SLC8A3: variants seen among roughly 807,000 people sequenced by gnomAD.
SLC8A3 encodes the protein sodium/calcium exchanger 3.
Under a neutral mutation model 65.4 loss-of-function variants are expected in SLC8A3, and 37 were observed. The observed-to-expected ratio is 0.57, with a 90% CI of 0.44 to 0.74. SLC8A3 has a LOEUF of 0.74. SLC8A3 is among the 30% of genes least tolerant of loss of function. SLC8A3 has a pLI of 0.00. For missense variants in SLC8A3, 1,112 were observed against 1,172.1 expected, an observed-to-expected ratio of 0.95 and a Z score of 0.75; for synonymous variants, 461 against 444.5, an observed-to-expected ratio of 1.04 and a Z score of -0.47.
chr14:70,051,195 C>T (rs1887469260), intron 4 of SLC8A3, 88 bp from the exon 5 acceptor site: 1 of 881,388 alleles, frequency 1.1e-6, no homozygotes, highest in African/African-American at 1.6e-5. Flanking sequence ...TGAAAGATGC[C>T]CTGTCTCCAA....
intron 2 of SLC8A3, among the ~76,000 whole-genome samples, chr14:70,119,424 A>C (rs938034337): frequency 1.3e-5 from 2 of 152,174 alleles, no homozygotes; most frequent in African/African-American, 4.8e-5. Flanking sequence ...GTCAAGCATC[A>C]CTGGGGACCC....
intron 1 of SLC8A3, among the ~76,000 whole-genome samples, chr14:70,182,021 G>C (rs1882793287): frequency 6.6e-6 from 1 of 152,182 alleles, no homozygotes; most frequent in African/African-American, 2.4e-5. Flanking sequence ...TTTTATACAA[G>C]AGGTGATAAA....
intron 2 of SLC8A3, among the ~76,000 whole-genome samples, chr14:70,128,847 C>T (rs114064154): frequency 4.5e-4 from 69 of 152,272 alleles, no homozygotes; most frequent in African/African-American, 1.6e-3. Flanking sequence ...CCTTCCCTAC[C>T]AATTTAAAAG....
intron 2 of SLC8A3, among the ~76,000 whole-genome samples, chr14:70,099,087 C>CCTG (rs1892386965): frequency 6.6e-6 from 1 of 152,188 alleles, no homozygotes; most frequent in African/African-American, 2.4e-5. Flanking sequence ...CTGATGTAAT[C>CCTG]CTGCTGCCTC....
At chr14:70,181,153 A>G (rs1270333031) in intron 1 of SLC8A3, among the ~76,000 whole-genome samples, 1 of 152,258 alleles carries the variant, frequency 6.6e-6, no homozygotes, top group Admixed American at 6.5e-5. Flanking sequence ...CCCAGAGAAC[A>G]GAGGTGAGTC....
chr14:70,056,191 C>T (rs576582830), intron 3 of SLC8A3, among the ~76,000 whole-genome samples: 43 of 152,286 alleles, frequency 2.8e-4, no homozygotes, highest in Non-Finnish European at 5.0e-4. Flanking sequence ...GAGTGAGAAT[C>T]CAGTTATCAT....
chr14:70,131,795 CAG>C (rs1245235298), intron 2 of SLC8A3, among the ~76,000 whole-genome samples: 1 of 152,058 alleles, frequency 6.6e-6, no homozygotes, highest in East Asian at 1.9e-4. Flanking sequence ...GAAAAACAAT[CAG>C]GGGGATCACA....
intron 2 of SLC8A3, among the ~76,000 whole-genome samples, chr14:70,069,500 C>T (rs901803953): frequency 1.3e-5 from 2 of 152,190 alleles, no homozygotes; most frequent in Non-Finnish European, 2.9e-5. Context: ...GCAGCTGGAC[C>T]GAGCAGGTGG....
At chr14:70,139,302 G>C (rs1262123234) in intron 2 of SLC8A3, among the ~76,000 whole-genome samples, 1 of 152,204 alleles carries the variant, frequency 6.6e-6, no homozygotes, top group Non-Finnish European at 1.5e-5. Flanking sequence ...AAGTGAAGGG[G>C]TGCCAGCAAA....
intron 2 of SLC8A3, among the ~76,000 whole-genome samples, chr14:70,163,487 C>T (rs947784891): frequency 2.6e-5 from 4 of 152,142 alleles, no homozygotes; most frequent in Non-Finnish European, 5.9e-5. Flanking sequence ...ATTTTCAATA[C>T]TACCAGGCTT....
intron 2 of SLC8A3, among the ~76,000 whole-genome samples, chr14:70,157,396 G>A (rs1896635027): frequency 6.6e-6 from 1 of 152,154 alleles, no homozygotes; most frequent in South Asian, 2.1e-4. Context: ...AAGAGGGTGG[G>A]AGAAGGGGGC....
At chr14:70,086,661 C>T (rs1417459216) in intron 2 of SLC8A3, among the ~76,000 whole-genome samples, 1 of 152,120 alleles carries the variant, frequency 6.6e-6, no homozygotes, top group Non-Finnish European at 1.5e-5. Context: ...CCCTCAGCCT[C>T]CCAAAGTGCT....
At chr14:70,120,013 C>A (rs1186689295) in intron 2 of SLC8A3, among the ~76,000 whole-genome samples, 1 of 152,112 alleles carries the variant, frequency 6.6e-6, no homozygotes, top group African/African-American at 2.4e-5. Context: ...TGTGTCAATG[C>A]TAGGCTAGGT....
At chr14:70,181,384 C>T (rs1469263341) in intron 1 of SLC8A3, among the ~76,000 whole-genome samples, 2 of 151,304 alleles carry the variant, frequency 1.3e-5, no homozygotes, top group Non-Finnish European at 2.9e-5. Context: ...TCATTGAACA[C>T]CTACTGTATT....
intron 1 of SLC8A3, among the ~76,000 whole-genome samples, chr14:70,174,660 T>C (rs1465364842): frequency 2.1e-5 from 1 of 48,316 alleles, no homozygotes; most frequent in Non-Finnish European, 5.1e-5. Flanking sequence ...CGTTTTTTTT[T>C]TGTTTTTTTT....
intron 2 of SLC8A3, among the ~76,000 whole-genome samples, chr14:70,086,285 G>A (rs1369966002): frequency 6.6e-6 from 1 of 152,134 alleles, no homozygotes; most frequent in Admixed American, 6.5e-5. Context: ...AGAGAAGCGA[G>A]ATGAAACCGG....
chr14:70,185,938 A>G (rs1883172219), intron 1 of SLC8A3, among the ~76,000 whole-genome samples: 1 of 152,252 alleles, frequency 6.6e-6, no homozygotes, highest in Non-Finnish European at 1.5e-5. Flanking sequence ...TATTGAATAA[A>G]TGGCTAACCG....
At chr14:70,136,020 A>T (rs1006576641) in intron 2 of SLC8A3, among the ~76,000 whole-genome samples, 6 of 152,208 alleles carry the variant, frequency 3.9e-5, no homozygotes, top group African/African-American at 1.4e-4. Context: ...AAAACTATGC[A>T]TAACTATTAT....
intron 2 of SLC8A3, among the ~76,000 whole-genome samples, chr14:70,156,042 A>G (rs1896550758): frequency 6.6e-6 from 1 of 152,234 alleles, no homozygotes; most frequent in African/African-American, 2.4e-5. Flanking sequence ...TCCAATTATC[A>G]GCTAATAACC....
Sources: allele counts gnomAD v4.1 joint callset (sites outside exome capture counted in the v4.1 genomes callset), GRCh38; gene constraint gnomAD v4.1.1; transcripts MANE v1.5; gene names NCBI Gene and HGNC (gene_info 2026-07-23, HGNC 2026-07-21).